LARS1: variants seen among roughly 807,000 people sequenced by gnomAD.
The protein encoded by LARS1 is leucyl-tRNA synthetase 1.
Under a neutral mutation model 162.8 loss-of-function variants are expected in LARS1, and 100 were observed. The ratio of observed to expected loss-of-function variants is 0.61; its 90% confidence interval spans 0.52 to 0.73. The LOEUF (loss-of-function observed/expected upper bound fraction) is 0.73. Among genes scored for constraint, LARS1 ranks in the 30% least tolerant of loss-of-function variants. The pLI, the probability that LARS1 is intolerant of heterozygous loss-of-function variation, is 0.00. For missense variants in LARS1, 1,258 were observed against 1,408.9 expected, an observed-to-expected ratio of 0.89 and a Z score of 1.71; for synonymous variants, 457 against 462.8, an observed-to-expected ratio of 0.99 and a Z score of 0.16.
At chr5:146,122,890 C>T (rs769471756) in intron 29 of LARS1, among the ~76,000 whole-genome samples, 45 of 151,944 alleles carry the variant, frequency 3.0e-4, no homozygotes, top group Middle Eastern at 3.4e-3. Flanking sequence ...CCACTTAAGA[C>T]AAATGGAAGT....
chr5:146,140,387 C>A lies in LARS1; in HGVS notation c.2091-126G>T, dbSNP rs1752720997. 5.9e-6 allele frequency: 4 copies of A among 672,576 alleles called. No homozygotes were observed. In the Admixed American group the frequency reaches 8.5e-5, roughly 14 times the overall value. 41.7% of individuals were successfully genotyped at this position (672,576 alleles called of 1,614,324 possible). A position where few individuals can be genotyped will look rare whatever the true frequency, so the allele number is the denominator to read the frequency against. ...TAAGATAAAAGTGCAAGGATATACA[C>A]TATAGTCCTTTTTGTAATGGGAAGT... On this transcript the variant is annotated intron_variant, in intron 20 of 31. Transcript: ENST00000394434.
At chr5:146,138,961 G>C (rs1353756586) in intron 21 of LARS1, 7 of 377,492 alleles carry the variant, frequency 1.9e-5, no homozygotes, top group Non-Finnish European at 3.7e-5. Context: ...TCCTGCTAAG[G>C]CTATTGGACA....
intron 1 of LARS1, chr5:146,179,655 A>G: frequency 2.3e-6 from 1 of 437,822 alleles, no homozygotes; most frequent in East Asian, 7.9e-5. Flanking sequence ...CTGGAGCATA[A>G]TGGTGCAAGC....
intron 31 of LARS1, among the ~76,000 whole-genome samples, chr5:146,115,816 G>A (rs1764180791): frequency 6.6e-6 from 1 of 152,084 alleles, no homozygotes. Context: ...TCCTTAACCT[G>A]ATCCATAGAA....
intron 8 of LARS1, 30 bp from the exon 9 acceptor site, chr5:146,157,825 A>C: frequency 6.2e-7 from 1 of 1,602,736 alleles, no homozygotes; most frequent in Non-Finnish European, 8.5e-7. Flanking sequence ...AAAAATTTGA[A>C]GGAAAAAAAA....
At chr5:146,161,933 T>C (rs1753797797) in intron 6 of LARS1, among the ~76,000 whole-genome samples, 1 of 152,194 alleles carries the variant, frequency 6.6e-6, no homozygotes, top group African/African-American at 2.4e-5. Flanking sequence ...CGAATCCTCA[T>C]CCATTCAAGT....
intron 6 of LARS1, among the ~76,000 whole-genome samples, chr5:146,163,204 C>T (rs930353447): frequency 5.3e-5 from 8 of 152,230 alleles, no homozygotes; most frequent in African/African-American, 1.9e-4. Context: ...GCATCTTCCT[C>T]ACCTCCCCCA....
In LARS1 at chr5:146,120,287, C is replaced by T. The variant is rs533752101; in HGVS notation, c.3325+84G>A. ...AATACACAGCTGTCCATAAGCAAGC[C>T]GGTTTCTTTTCTTTTTCCTTTCTGC... On this transcript the variant is annotated intron_variant, in intron 31 of 31. Coordinates refer to ENST00000394434, the MANE Select transcript of LARS1 (RefSeq NM_020117.11). 1.0e-5 allele frequency: 14 copies of T among 1,406,404 alleles called. 1 individual carries two copies. Among genetic ancestry groups the T allele is most frequent in the East Asian group, 9.2e-5 (4 of 43,578 alleles). The allele number at this position is 1,406,404 out of a possible 1,614,324, so 87.1% of individuals were successfully genotyped here.
intron 30 of LARS1, among the ~76,000 whole-genome samples, chr5:146,122,011 C>T (rs1199069078): frequency 1.3e-5 from 2 of 151,934 alleles, no homozygotes; most frequent in Non-Finnish European, 2.9e-5. Flanking sequence ...TATCCAAAAC[C>T]TTTTTGTCTT....
Position 146,133,011 on chromosome 5 carries a change from A to G in LARS1, c.2283T>C (p.Asp761=), listed in dbSNP as rs370643655. ...AGGTGTACAGACGGAGAATACCTGCATCTGCCATGGCTTCCACAAAGTTGG... is the reference window on the plus strand; with the variant it reads ...AGGTGTACAGACGGAGAATACCTGCGTCTGCCATGGCTTCCACAAAGTTGG... ...EDANFVEAMA[D]AGILRLYTWV... is the part of the protein sequence containing the mutation. The change falls in exon 23 of 32, where the codon GAT becomes GAC. Residue 761 remains aspartate, a synonymous_variant. Transcript: ENST00000394434. 1.9e-6 allele frequency: 3 copies of G among 1,613,986 alleles called. No homozygotes were observed. The highest frequency in any genetic ancestry group is 2.5e-6 in the Non-Finnish European group (3 of 1,179,948).
chr5:146,143,681 T>G (rs1034778469), intron 18 of LARS1, 131 bp from the exon 19 acceptor site: 3 of 826,452 alleles, frequency 3.6e-6, no homozygotes, highest in Non-Finnish European at 5.4e-6. Flanking sequence ...TCTTGAATAA[T>G]TAATAAAAAT....
chr5:146,132,398 T>C (rs1355626546), intron 23 of LARS1: 1 of 152,458 alleles, frequency 6.6e-6, no homozygotes, highest in African/African-American at 2.4e-5. Context: ...TTTGTCTCTC[T>C]TGCTAGACAA....
At chr5:146,162,225 C>T (rs1340431624) in intron 6 of LARS1, among the ~76,000 whole-genome samples, 1 of 152,132 alleles carries the variant, frequency 6.6e-6, no homozygotes, top group South Asian at 2.1e-4. Context: ...GAGGAATTAC[C>T]ATCTATGACT....
At chr5:146,132,826 A>C (rs78076854) in intron 23 of LARS1, 72 bp downstream of exon 23, 1 of 1,166,154 alleles carries the variant, frequency 8.6e-7, no homozygotes, top group Non-Finnish European at 1.2e-6. Context: ...AGAAAAGAAA[A>C]GAAAAAGAAA....
At chr5:146,161,148 A>G (rs972902183) in intron 6 of LARS1, among the ~76,000 whole-genome samples, 1 of 152,226 alleles carries the variant, frequency 6.6e-6, no homozygotes, top group Non-Finnish European at 1.5e-5. Flanking sequence ...TATATTTAAA[A>G]AGACAATGTA....
At position 146,172,787 on chromosome 5, in the gene LARS1, A is replaced by G. The variant is rs1754338007; in HGVS notation, c.126-13T>C. 3 of 1,442,062 alleles carry G rather than the reference A, an allele frequency of 2.1e-6. No homozygotes were observed. The highest frequency in any genetic ancestry group is 2.4e-5 in the East Asian group (1 of 40,878). 89.3% of individuals were successfully genotyped at this position (1,442,062 alleles called of 1,614,324 possible). A position where few individuals can be genotyped will look rare whatever the true frequency, so the allele number is the denominator to read the frequency against. On this transcript the variant is annotated splice_polypyrimidine_tract_variant and intron_variant, in intron 2 of 31. Transcript: ENST00000394434. Reference sequence around the variant, plus strand: ...ATACTTGCCCTTGCTGCAAAACAACAGTATAAAAAAGAAAGTACAGAAGAA... The same window carrying G: ...ATACTTGCCCTTGCTGCAAAACAACGGTATAAAAAAGAAAGTACAGAAGAA...
At chr5:146,161,852 A>G (rs35131794) in intron 6 of LARS1, among the ~76,000 whole-genome samples, 40,706 of 152,068 alleles carry the variant, frequency 0.27, 6,855 homozygotes, top group Admixed American at 0.37. Flanking sequence ...CATTTCAACA[A>G]TGTTCACTGC....
Position 146,153,953 on chromosome 5 carries a change from G to A in LARS1, c.1093C>T (p.Pro365Ser). 1 of 1,609,640 alleles carries A rather than the reference G, an allele frequency of 6.2e-7. No individual in the cohort carries two copies. Among genetic ancestry groups the A allele is most frequent in the Non-Finnish European group, 8.5e-7 (1 of 1,178,746 alleles). The change falls in exon 11 of 32, where the codon CCT (proline) becomes TCT (serine). Residue 365 changes from proline to serine, a missense_variant. Pro to Ser is a moderately conservative substitution (Grantham distance 74). Coordinates refer to ENST00000394434, the MANE Select transcript of LARS1 (RefSeq NM_020117.11). ...EEILGASLSA[P>S]LTSYKVIYVL... ...TAGATCACCTTGTATGATGTTAAAG[G>A]TGCAGAAAGTGATGCACCAAGAATT...
intron 5 of LARS1, among the ~76,000 whole-genome samples, chr5:146,165,368 CAAT>C (rs1295915100): frequency 6.6e-6 from 1 of 151,204 alleles, no homozygotes; most frequent in African/African-American, 2.4e-5. Context: ...AAAATAATAA[CAAT>C]AATACAAAAA....
Sources: gnomAD v4.1 joint callset for allele counts (sites outside exome capture counted in the v4.1 genomes callset) on GRCh38, gnomAD v4.1.1 for gene constraint, MANE v1.5 for transcripts, NCBI Gene and HGNC (gene_info 2026-07-23, HGNC 2026-07-21) for gene names.